The following DHX35 variants were observed in gnomAD, a reference collection of about 807,000 sequenced individuals.
The protein encoded by DHX35 is DEAH-box helicase 35.
Under a neutral mutation model 99.6 loss-of-function variants are expected in DHX35, and 84 were observed. The observed-to-expected ratio is 0.84, with a 90% CI of 0.71 to 1.01. The LOEUF is 1.01. Among genes scored for constraint, DHX35 ranks in the 50% least tolerant of loss-of-function variants. DHX35 has a pLI of 0.00. For missense variants in DHX35, 852 were observed against 888.5 expected (o/e 0.96, Z 0.52); for synonymous variants, 331 against 316.2 (o/e 1.05, Z -0.50).
At chr20:38,981,867 C>G (rs2086178839) in intron 3 of DHX35, among the ~76,000 whole-genome samples, 1 of 150,628 alleles carries the variant, frequency 6.6e-6, no homozygotes, top group African/African-American at 2.5e-5. Flanking sequence ...TTGCTTAAAC[C>G]CAGAAGTCGG....
chr20:39,018,244 C>G (rs1246048032), intron 14 of DHX35, among the ~76,000 whole-genome samples: 1 of 152,088 alleles, frequency 6.6e-6, no homozygotes, highest in Non-Finnish European at 1.5e-5. Flanking sequence ...TCGATACCAT[C>G]CTGGCACATC....
intron 2 of DHX35, among the ~76,000 whole-genome samples, chr20:38,971,456 G>A (rs1386125580): frequency 2.6e-5 from 4 of 151,994 alleles, no homozygotes; most frequent in African/African-American, 9.7e-5. Context: ...CTGTTCCCTT[G>A]TCTGCCTTCT....
chr20:38,991,258 G>A (rs2145874183), intron 5 of DHX35, among the ~76,000 whole-genome samples, 196 bp from the exon 6 acceptor site: 1 of 152,308 alleles, frequency 6.6e-6, no homozygotes, highest in Admixed American at 6.5e-5. Context: ...AACTCCAGCT[G>A]AGGACCCTGT....
chr20:38,969,611 A>C (rs1568712779), intron 2 of DHX35, among the ~76,000 whole-genome samples: 1 of 152,234 alleles, frequency 6.6e-6, no homozygotes. Flanking sequence ...TTAATTGGGA[A>C]TATGAGGTTG....
At chr20:39,028,336 G>T in intron 18 of DHX35, 82 bp from the exon 19 acceptor site, 1 of 1,378,844 alleles carries the variant, frequency 7.3e-7, no homozygotes, top group African/African-American at 1.4e-5. Flanking sequence ...GGTGGTGCTG[G>T]GAGTGGATCC....
chr20:39,019,897 G>T (rs1171033966), intron 15 of DHX35, among the ~76,000 whole-genome samples: 1 of 152,098 alleles, frequency 6.6e-6, no homozygotes, highest in Non-Finnish European at 1.5e-5. Flanking sequence ...TGACCCAGGG[G>T]ATCTCCCAGC....
chr20:38,977,359 T>A (rs1294847444), intron 3 of DHX35, among the ~76,000 whole-genome samples: 1 of 152,216 alleles, frequency 6.6e-6, no homozygotes, highest in African/African-American at 2.4e-5. Flanking sequence ...TGTTGAGCAT[T>A]ATTTCGTATA....
At chr20:38,968,743 G>A (rs1187688151) in intron 1 of DHX35, among the ~76,000 whole-genome samples, 2 of 152,088 alleles carry the variant, frequency 1.3e-5, no homozygotes, top group Non-Finnish European at 2.9e-5. Context: ...GTACAGGTGG[G>A]GTTTCACCTT....
At chr20:38,974,236 T>C (rs961245059) in intron 3 of DHX35, among the ~76,000 whole-genome samples, 1 of 152,212 alleles carries the variant, frequency 6.6e-6, no homozygotes, top group African/African-American at 2.4e-5. Context: ...AGGCAGGCCA[T>C]AGAAAGCTAT....
At chr20:39,011,638 G>A (rs2081384986) in intron 13 of DHX35, among the ~76,000 whole-genome samples, 1 of 152,134 alleles carries the variant, frequency 6.6e-6, no homozygotes, top group African/African-American at 2.4e-5. Context: ...ACCACCCCCG[G>A]CCTCTTTGGT....
intron 3 of DHX35, among the ~76,000 whole-genome samples, chr20:38,977,419 C>G (rs559445988): frequency 2.4e-4 from 37 of 152,084 alleles, no homozygotes; most frequent in Non-Finnish European, 4.7e-4. Flanking sequence ...CTATTCAGGT[C>G]TTTTGCCCAT....
At chr20:38,993,701 C>A (rs971262221) in intron 7 of DHX35, among the ~76,000 whole-genome samples, 4 of 100,070 alleles carry the variant, frequency 4.0e-5, no homozygotes, top group African/African-American at 1.6e-4. Flanking sequence ...TTTTTTTTTT[C>A]ACGTTGGCTA....
intron 12 of DHX35, among the ~76,000 whole-genome samples, chr20:39,008,826 C>T (rs2086657496): frequency 6.6e-6 from 1 of 152,218 alleles, no homozygotes; most frequent in Non-Finnish European, 1.5e-5. Context: ...ACAGATCCTC[C>T]TTGTCCTTCA....
At chr20:38,986,139 A>G (rs1375136873) in intron 4 of DHX35, among the ~76,000 whole-genome samples, 2 of 151,624 alleles carry the variant, frequency 1.3e-5, no homozygotes, top group African/African-American at 4.8e-5. Flanking sequence ...TGAGATACAA[A>G]TTTGTGAAAG....
intron 21 of DHX35, 135 bp downstream of exon 21, chr20:39,034,452 A>G (rs975203118): frequency 2.6e-5 from 17 of 661,032 alleles, no homozygotes; most frequent in Non-Finnish European, 4.2e-5. Flanking sequence ...GGCCATTACC[A>G]TATCCCCAAA....
At chr20:38,999,603 T>C (rs2086487072) in intron 8 of DHX35, among the ~76,000 whole-genome samples, 1 of 152,272 alleles carries the variant, frequency 6.6e-6, no homozygotes, top group Non-Finnish European at 1.5e-5. Context: ...AGAGTCACTC[T>C]AGCCTTCTTT....
intron 3 of DHX35, among the ~76,000 whole-genome samples, chr20:38,978,814 C>T (rs900366165): frequency 6.6e-6 from 1 of 152,112 alleles, no homozygotes; most frequent in Non-Finnish European, 1.5e-5. Flanking sequence ...CTGGTAGTTT[C>T]ATAACTTTGG....
chr20:39,004,265 C>CCCG (rs1231061802), intron 11 of DHX35, among the ~76,000 whole-genome samples: 1 of 152,092 alleles, frequency 6.6e-6, no homozygotes, highest in East Asian at 1.9e-4. Context: ...CGGGGTTTCA[C>CCCG]TAAGTTAGCC....
chr20:39,012,029 C>T (rs1351209411), intron 13 of DHX35, among the ~76,000 whole-genome samples: 1 of 152,176 alleles, frequency 6.6e-6, no homozygotes, highest in Non-Finnish European at 1.5e-5. Context: ...AGGTGGATCA[C>T]TTGAGGTCCG....
Sources: gnomAD v4.1 joint callset for allele counts (sites outside exome capture counted in the v4.1 genomes callset) on GRCh38, gnomAD v4.1.1 for gene constraint, MANE v1.5 for transcripts, NCBI Gene and HGNC (gene_info 2026-07-23, HGNC 2026-07-21) for gene names.